Variants in FSTL4 observed in about 807,000 individuals in gnomAD.
FSTL4 encodes follistatin like 4.
Under a neutral mutation model 78.2 loss-of-function variants are expected in FSTL4, and 28 were observed. The observed-to-expected ratio is 0.36, with a 90% CI of 0.27 to 0.49. FSTL4 has a LOEUF of 0.49. Ranked by LOEUF, FSTL4 falls within the 20% of genes least tolerant of loss-of-function variation. The probability of loss-of-function intolerance (pLI) is 0.98; values close to 1 mark genes in which losing one functional copy is unlikely to be tolerated. For missense variants in FSTL4, 922 were observed against 1,084.9 expected (o/e 0.85, Z 2.11); for synonymous variants, 422 against 440.5 (o/e 0.96, Z 0.53).
the FSTL4 span, among the ~76,000 whole-genome samples, chr5:133,800,070 G>A: frequency 1.4e-5 from 2 of 139,216 alleles, no homozygotes; most frequent in African/African-American, 2.6e-5. Context: ...GGAGTTCAGA[G>A]GAAAGTGTGG....
chr5:133,499,862 C>T (rs2112876510), intron 3 of FSTL4, among the ~76,000 whole-genome samples: 1 of 152,284 alleles, frequency 6.6e-6, no homozygotes. Context: ...CCTGCCATGT[C>T]ATATTTTGCT....
At chr5:133,651,895 T>G in the FSTL4 span, among the ~76,000 whole-genome samples, 4 of 152,284 alleles carry the variant, frequency 2.6e-5, no homozygotes, top group African/African-American at 9.6e-5. Context: ...AGAATTCACC[T>G]GTCATCCATC....
chr5:133,323,829 A>C (rs1754137824), intron 4 of FSTL4, among the ~76,000 whole-genome samples: 1 of 152,246 alleles, frequency 6.6e-6, no homozygotes, highest in African/African-American at 2.4e-5. Context: ...AGAACTTGGT[A>C]ATGAACTACA....
chr5:133,746,509 AG>A, the FSTL4 span, among the ~76,000 whole-genome samples: 10 of 152,190 alleles, frequency 6.6e-5, no homozygotes, highest in African/African-American at 2.4e-4. Flanking sequence ...TTCCAGAAAT[AG>A]TGAGCAGAAA....
the FSTL4 span, among the ~76,000 whole-genome samples, chr5:133,690,693 T>C: frequency 6.6e-6 from 1 of 152,242 alleles, no homozygotes; most frequent in African/African-American, 2.4e-5. Context: ...TTTCTGACTT[T>C]TGATGTGAAC....
chr5:133,427,470 T>C, intron 3 of FSTL4: 1 of 371,378 alleles, frequency 2.7e-6, no homozygotes, highest in South Asian at 2.3e-5. Flanking sequence ...CCCAGGAAAC[T>C]GTTGGTAAGT....
chr5:133,592,744 C>G (rs1340046165), intron 2 of FSTL4, among the ~76,000 whole-genome samples: 1 of 152,060 alleles, frequency 6.6e-6, no homozygotes, highest in African/African-American at 2.4e-5. Flanking sequence ...TCACTCTCAC[C>G]TTGCTTGCTC....
chr5:133,202,107 T>TTCTG, intron 14 of FSTL4, 65 bp from the exon 15 acceptor site: 1 of 1,032,936 alleles, frequency 9.7e-7, no homozygotes, highest in Non-Finnish European at 1.4e-6. Context: ...TGGAGACACC[T>TTCTG]GTACGCTCAG....
chr5:133,235,311 C>G (rs1488030060), intron 7 of FSTL4, among the ~76,000 whole-genome samples: 1 of 152,016 alleles, frequency 6.6e-6, no homozygotes, highest in Non-Finnish European at 1.5e-5. Flanking sequence ...GAAACCCTGT[C>G]TCTACTAAAA....
At chr5:133,538,232 CT>C (rs1483213120) in intron 3 of FSTL4, among the ~76,000 whole-genome samples, 1 of 152,122 alleles carries the variant, frequency 6.6e-6, no homozygotes, top group African/African-American at 2.4e-5. Context: ...GTCTCTTGAC[CT>C]TAATATTTTT....
chr5:133,439,485 C>A lies in FSTL4; in HGVS notation c.161-38499G>T, dbSNP rs369341445. On this transcript the variant is annotated intron_variant, in intron 3 of 15. Transcript: ENST00000265342. Reference sequence around the variant, plus strand: ...TGTTGTCAGGTGGGAGGCTGGCTGTCCTTTCTACCGCTAAAAAGAAACAGC... The same window carrying A: ...TGTTGTCAGGTGGGAGGCTGGCTGTACTTTCTACCGCTAAAAAGAAACAGC... Among the ~76,000 whole-genome samples the A allele has an allele frequency of 2.0e-5, 3 of 152,108 alleles. No homozygotes were observed. The East Asian group carries it at 5.8e-4, about 29-fold the overall frequency.
At chr5:133,698,363 G>C in the FSTL4 span, among the ~76,000 whole-genome samples, 2 of 152,204 alleles carry the variant, frequency 1.3e-5, no homozygotes, top group South Asian at 4.1e-4. Context: ...GACAGGGACA[G>C]TCATTGTGGC....
chr5:133,511,868 A>G (rs1462111324), intron 3 of FSTL4, among the ~76,000 whole-genome samples: 1 of 152,160 alleles, frequency 6.6e-6, no homozygotes, highest in Non-Finnish European at 1.5e-5. Context: ...GAAGGGGGCC[A>G]GAAGTGAAGA....
At chr5:133,344,404 A>G (rs1754652953) in intron 4 of FSTL4, among the ~76,000 whole-genome samples, 1 of 152,238 alleles carries the variant, frequency 6.6e-6, no homozygotes, top group African/African-American at 2.4e-5. Flanking sequence ...AAAGAACATT[A>G]TCAACATTCT....
the FSTL4 span, among the ~76,000 whole-genome samples, chr5:133,701,155 C>A: frequency 2.4e-4 from 37 of 152,214 alleles, no homozygotes; most frequent in African/African-American, 8.7e-4. Flanking sequence ...GTAAACCCAG[C>A]ATTTTGGGAG....
chr5:133,199,762 A>C lies in FSTL4; in HGVS notation c.1862T>G (p.Val621Gly). ...CATTGTTTCCAGGTCCACCTTGTGG[A>C]CTGCAGGATCAGACTTGTTGAAGAT... ...GFIFNKSDPA[V>G]HKVDLETMMP... Residue 621 changes from valine (V) to glycine (G), a missense_variant, in exon 16 of 16, where the codon GTC becomes GGC. Physicochemically the swap from Val to Gly is moderately radical, Grantham distance 109 (BLOSUM62 -3). Transcript: ENST00000265342. This position sits in a 1 kb window ranked among gnomAD's most constrained non-coding sequence, Gnocchi z 4.4. 1.3e-6 allele frequency: 2 copies of C among 1,575,902 alleles called. No individual in the cohort carries two copies. Among genetic ancestry groups the C allele is most frequent in the Non-Finnish European group, 1.7e-6 (2 of 1,159,112 alleles).
intron 4 of FSTL4, among the ~76,000 whole-genome samples, chr5:133,321,029 T>A (rs1754037805): frequency 9.7e-6 from 1 of 103,048 alleles, no homozygotes; most frequent in Non-Finnish European, 2.1e-5. Context: ...AAAAAAAAAT[T>A]CCAATCATTT....
intron 3 of FSTL4, among the ~76,000 whole-genome samples, chr5:133,418,089 C>T (rs1756615579): frequency 6.8e-6 from 1 of 147,784 alleles, no homozygotes; most frequent in South Asian, 2.2e-4. Context: ...CAAAAGGAAG[C>T]ACAAACAACA....
chr5:133,210,029 G>A (rs928055231), intron 14 of FSTL4, 162 bp downstream of exon 14: 9 of 540,152 alleles, frequency 1.7e-5, no homozygotes, highest in Admixed American at 6.0e-5. Flanking sequence ...CCTGTGAGGG[G>A]CATTGGCCTG....
Sources: allele counts gnomAD v4.1 joint callset (sites outside exome capture counted in the v4.1 genomes callset), GRCh38; gene constraint gnomAD v4.1.1; non-coding constraint Gnocchi (gnomAD v3.1); transcripts MANE v1.5; gene names NCBI Gene and HGNC (gene_info 2026-07-23, HGNC 2026-07-21).